LYSMD2: variants seen among roughly 807,000 people sequenced by gnomAD.
The protein encoded by LYSMD2 is LysM domain containing 2.
LYSMD2 carries 6 observed loss-of-function variants against 17.7 expected under a neutral mutation model. That is an observed-to-expected ratio of 0.34 (90% CI 0.19 to 0.67). The LOEUF (loss-of-function observed/expected upper bound fraction) is 0.67, where lower values mean the gene tolerates loss of function less well. Among genes scored for constraint, LYSMD2 ranks in the 30% least tolerant of loss-of-function variants. The pLI is 0.69. For synonymous variants in LYSMD2, 102 were observed against 129.8 expected (o/e 0.79, Z 1.45); for missense variants, 237 against 286.7 (o/e 0.83, Z 1.25).
chr15:51,735,988 T>C (rs2055606416), intron 1 of LYSMD2, among the ~76,000 whole-genome samples: 1 of 152,226 alleles, frequency 6.6e-6, no homozygotes, highest in South Asian at 2.1e-4. Context: ...TAAGGATGGA[T>C]ATCAAAAGTA....
chr15:51,746,164 A>T (rs1033553065), intron 1 of LYSMD2, among the ~76,000 whole-genome samples: 1 of 152,250 alleles, frequency 6.6e-6, no homozygotes, highest in African/African-American at 2.4e-5. Flanking sequence ...GTGCATAGCA[A>T]CATTATTCAT....
At chr15:51,749,544 T>G (rs538780385) in intron 1 of LYSMD2, among the ~76,000 whole-genome samples, 2 of 152,340 alleles carry the variant, frequency 1.3e-5, no homozygotes, top group Admixed American at 6.5e-5. Context: ...TCTATTCGTT[T>G]TATCACATGC....
At chr15:51,747,017 TA>T (rs1050919768) in intron 1 of LYSMD2, among the ~76,000 whole-genome samples, 967 of 65,790 alleles carry the variant, frequency 0.015, 8 homozygotes, top group African/African-American at 0.044. Context: ...CTGTCTCTAC[TA>T]AAAAAAAAAA....
intron 1 of LYSMD2, among the ~76,000 whole-genome samples, chr15:51,729,515 G>A (rs1230577073): frequency 6.6e-6 from 1 of 152,238 alleles, no homozygotes; most frequent in Non-Finnish European, 1.5e-5. Context: ...CTGGAGTGCA[G>A]TGGCACGATC....
At chr15:51,749,162 G>T (rs1234366224) in intron 1 of LYSMD2, among the ~76,000 whole-genome samples, 1 of 152,178 alleles carries the variant, frequency 6.6e-6, no homozygotes, top group South Asian at 2.1e-4. Flanking sequence ...AATGATCATG[G>T]GTTTCAACTG....
At chr15:51,731,772 G>A (rs753716950) in intron 1 of LYSMD2, among the ~76,000 whole-genome samples, 16 of 152,122 alleles carry the variant, frequency 1.1e-4, no homozygotes, top group East Asian at 3.9e-4. Flanking sequence ...AAAAATTCAC[G>A]GTGGCAGCCT....
chr15:51,731,426 G>C (rs1203770483), intron 1 of LYSMD2, among the ~76,000 whole-genome samples: 1 of 152,214 alleles, frequency 6.6e-6, no homozygotes, highest in Non-Finnish European at 1.5e-5. Context: ...ATGCACCTGA[G>C]TTTCTAAATC....
At chr15:51,750,880 G>A (rs1285985593) in intron 1 of LYSMD2, among the ~76,000 whole-genome samples, 1 of 152,158 alleles carries the variant, frequency 6.6e-6, no homozygotes, top group Non-Finnish European at 1.5e-5. Context: ...CCAGCCCAAC[G>A]AGGTCCAACT....
At chr15:51,738,296 G>A (rs1487981545), upstream of LYSMD2, among the ~76,000 whole-genome samples, 1 of 152,030 alleles carries the variant, frequency 6.6e-6, no homozygotes, top group Non-Finnish European at 1.5e-5. Context: ...CTAATGGGTG[G>A]CCTCAAAATA....
chr15:51,744,829 G>C (rs1284835885), intron 1 of LYSMD2, among the ~76,000 whole-genome samples: 1 of 151,966 alleles, frequency 6.6e-6, no homozygotes, highest in Admixed American at 6.6e-5. Context: ...AAATCCAAAA[G>C]TGTATTCTTT....
intron 1 of LYSMD2, among the ~76,000 whole-genome samples, chr15:51,729,153 C>CAAA (rs2055559955): frequency 6.6e-6 from 1 of 152,212 alleles, no homozygotes; most frequent in African/African-American, 2.4e-5. Context: ...AAAGGAGTAG[C>CAAA]AAATGCCCTG....
intron 1 of LYSMD2, among the ~76,000 whole-genome samples, chr15:51,727,398 A>G (rs1011335708): frequency 6.6e-6 from 1 of 152,176 alleles, no homozygotes; most frequent in African/African-American, 2.4e-5. Context: ...AGATCTTGCC[A>G]GTGTTCCCTT....
Position 51,723,398 on chromosome 15 carries a change from G to A in LYSMD2, c.*209C>T. On this transcript the variant is annotated 3_prime_UTR_variant, in exon 3 of 3. Coordinates refer to ENST00000267838, the MANE Select transcript of LYSMD2 (RefSeq NM_153374.3). ...GTGATGAGCTTTAGGCTACAACCTT[G>A]CCATCATGCCATAATAAAGACTTAA... The A allele has an allele frequency of 4.0e-6, 2 of 494,540 alleles. No homozygotes were observed. The highest frequency in any genetic ancestry group is 7.1e-5 in the East Asian group (2 of 28,168). 30.6% of individuals were successfully genotyped at this position (494,540 alleles called of 1,614,324 possible).
At chr15:51,737,765 G>C, upstream of LYSMD2, 1 of 592,854 alleles carries the variant, frequency 1.7e-6, no homozygotes, top group Non-Finnish European at 2.4e-6. This position sits in a 1 kb window ranked among gnomAD's most constrained non-coding sequence, Gnocchi z 4.2. Flanking sequence ...GCCGAGGCGG[G>C]GAGCCGCAGG....
chr15:51,724,473 T>C (rs540196860), intron 2 of LYSMD2, among the ~76,000 whole-genome samples: 2 of 152,262 alleles, frequency 1.3e-5, no homozygotes, highest in East Asian at 3.9e-4. Flanking sequence ...AAGCAAACTT[T>C]TTATAGTAAA....
intron 1 of LYSMD2, 42 bp from the exon 2 acceptor site, chr15:51,725,163 G>C: frequency 8.1e-7 from 1 of 1,231,536 alleles, no homozygotes; most frequent in Non-Finnish European, 1.2e-6. Flanking sequence ...ATATAACCAA[G>C]TCAAGGAGTA....
chr15:51,749,411 C>T (rs1258054551), intron 1 of LYSMD2, among the ~76,000 whole-genome samples: 1 of 152,234 alleles, frequency 6.6e-6, no homozygotes, highest in East Asian at 1.9e-4. Flanking sequence ...TCAGCATCCT[C>T]CTGGAGCATG....
intron 1 of LYSMD2, among the ~76,000 whole-genome samples, chr15:51,730,223 C>G (rs1288793175): frequency 1.3e-5 from 2 of 152,100 alleles, no homozygotes; most frequent in African/African-American, 2.4e-5. Flanking sequence ...AAAATGACTC[C>G]CCAGCCAGGC....
chr15:51,723,225 C>A lies in LYSMD2; in HGVS notation c.*382G>T. ...TATAAACACACAGCAAATTCAGCAT[C>A]ACTTAAACAGCAACCATATTTTCAC... is the stretch of plus-strand genomic sequence containing the variant. On this transcript the variant is annotated 3_prime_UTR_variant, in exon 3 of 3. Transcript: ENST00000267838. 1 of 177,132 alleles carries A rather than the reference C, an allele frequency of 5.6e-6. No homozygotes were observed. Among genetic ancestry groups the A allele is most frequent in the Non-Finnish European group, 1.2e-5 (1 of 82,642 alleles). The allele number at this position is 177,132 out of a possible 1,614,324, so 11.0% of individuals were successfully genotyped here. A position where few individuals can be genotyped will look rare whatever the true frequency, so the allele number is the denominator to read the frequency against.
Sources: gnomAD v4.1 joint callset for allele counts (sites outside exome capture counted in the v4.1 genomes callset) on GRCh38, gnomAD v4.1.1 for gene constraint, Gnocchi (gnomAD v3.1) non-coding constraint, MANE v1.5 for transcripts, NCBI Gene and HGNC (gene_info 2026-07-23, HGNC 2026-07-21) for gene names.